AAK1: variants seen among roughly 807,000 people sequenced by gnomAD.
AAK1 encodes the protein AP2 associated kinase 1.
A neutral mutation model predicts 116.0 loss-of-function variants in AAK1; 37 were observed. The observed-to-expected ratio is 0.32, with a 90% CI of 0.25 to 0.42. The LOEUF is 0.42. Among genes scored for constraint, AAK1 ranks in the 10% least tolerant of loss-of-function variants. The pLI, the probability that AAK1 is intolerant of heterozygous loss-of-function variation, is 1.00. For missense variants in AAK1, 919 were observed against 1,170.6 expected (o/e 0.79, Z 3.14); for synonymous variants, 458 against 439.9 (o/e 1.04, Z -0.51).
chr2:69,619,937 C>T (rs1674517505), intron 2 of AAK1, among the ~76,000 whole-genome samples: 2 of 152,162 alleles, frequency 1.3e-5, no homozygotes, highest in South Asian at 4.1e-4. Flanking sequence ...TAGGCCACAG[C>T]AGGATTTACA....
chr2:69,468,290 G>A lies in AAK1; in HGVS notation c.*7579C>T, dbSNP rs538068182. 2.0e-6 allele frequency: 2 copies of A among 985,316 alleles called. No individual in the cohort carries two copies. The highest frequency in any genetic ancestry group is 2.4e-6 in the Non-Finnish European group (2 of 829,846). The allele number at this position is 985,316 out of a possible 1,614,324, so 61.0% of individuals were successfully genotyped here. A position where few individuals can be genotyped will look rare whatever the true frequency, so the allele number is the denominator to read the frequency against. On this transcript the variant is annotated 3_prime_UTR_variant, in exon 22 of 22. Coordinates refer to ENST00000409085, the MANE Select transcript of AAK1 (RefSeq NM_014911.5). Reference sequence around the variant, plus strand: ...GTAAATTGATATTAGATTTGTCTCAGTGATACCAAGATGATAATTTCTGGG... The same window carrying A: ...GTAAATTGATATTAGATTTGTCTCAATGATACCAAGATGATAATTTCTGGG...
Position 69,458,223 on chromosome 2 carries a change from G to A in AAK1, c.*17646C>T, listed in dbSNP as rs1213793894. ...GATTATGTGTACATTGTTTTCTGAG[G>A]CCTGATGACCTCAATACTCCTTCTG... On this transcript the variant is annotated 3_prime_UTR_variant, in exon 22 of 22. Transcript: ENST00000409085. 6.6e-6 allele frequency: 1 copy of A among 152,090 alleles called. No homozygotes were observed. Among genetic ancestry groups the A allele is most frequent in the East Asian group, 1.9e-4 (1 of 5,196 alleles). The allele number at this position is 152,090 out of a possible 1,614,324, so 9.4% of individuals were successfully genotyped here.
intron 20 of AAK1, among the ~76,000 whole-genome samples, chr2:69,477,221 G>T (rs7579250): frequency 6.6e-6 from 1 of 152,074 alleles, no homozygotes; most frequent in East Asian, 1.9e-4. Flanking sequence ...TAGGGAAAAG[G>T]GTTCTTGGAA....
At chr2:69,476,010 G>A in intron 21 of AAK1, 47 bp from the exon 22 acceptor site, 1 of 1,572,822 alleles carries the variant, frequency 6.4e-7, no homozygotes, top group Non-Finnish European at 8.6e-7. Flanking sequence ...AGAGGGTTAA[G>A]GTTTAGATGT....
chr2:69,581,939 G>A (rs1035414445), intron 2 of AAK1, among the ~76,000 whole-genome samples: 2 of 151,898 alleles, frequency 1.3e-5, no homozygotes, highest in African/African-American at 4.8e-5. Flanking sequence ...CCATGATTGC[G>A]TCACTGCATT....
rs143830689 is a variant in AAK1 at position 69,478,583 on chromosome 2, G to A, written c.2680+368C>T. Reference sequence around the variant, plus strand: ...TCATCCCACCTCAGTCTCCCGAGAAGCTGGTACCACCGGTGCATGCTGCCA... The same window carrying A: ...TCATCCCACCTCAGTCTCCCGAGAAACTGGTACCACCGGTGCATGCTGCCA... On this transcript the variant is annotated intron_variant, in intron 20 of 21. Coordinates refer to ENST00000409085, the MANE Select transcript of AAK1 (RefSeq NM_014911.5). 2,072 of 229,364 alleles carry A rather than the reference G, an allele frequency of 9.0e-3. 47 individuals are homozygous for A. Among genetic ancestry groups the A allele is most frequent in the African/African-American group, 0.046 (1,961 of 42,238 alleles). 14.2% of individuals were successfully genotyped at this position (229,364 alleles called of 1,614,324 possible).
Position 69,520,992 on chromosome 2 carries a change from G to C in AAK1, c.1056-4C>G, listed in dbSNP as rs763683648. On this transcript the variant is annotated splice_polypyrimidine_tract_variant and splice_region_variant and intron_variant, in intron 10 of 21. Coordinates refer to ENST00000409085, the MANE Select transcript of AAK1 (RefSeq NM_014911.5). ...GGTGGGAATGGGATCTGTCAGTCTA[G>C]AAAGGGAAAAGAGAAAGGTTCATAT... 25 of 1,613,758 alleles carry C rather than the reference G, an allele frequency of 1.5e-5. No homozygotes were observed. The highest frequency in any genetic ancestry group is 3.4e-6 in the Non-Finnish European group (4 of 1,179,818).
intron 2 of AAK1, among the ~76,000 whole-genome samples, chr2:69,567,038 G>A (rs901244696): frequency 6.6e-6 from 1 of 152,176 alleles, no homozygotes; most frequent in Admixed American, 6.5e-5. Flanking sequence ...ACCAAGGCCC[G>A]CAATTCCCAG....
intron 3 of AAK1, among the ~76,000 whole-genome samples, chr2:69,554,591 G>A (rs1009505954): frequency 3.3e-5 from 5 of 152,298 alleles, no homozygotes; most frequent in Non-Finnish European, 5.9e-5. Context: ...GGGGAGAGAG[G>A]CAAGCAGCAA....
chr2:69,468,326 A>G lies in AAK1; in HGVS notation c.*7543T>C, dbSNP rs1674555608. 1.0e-6 allele frequency: 1 copy of G among 985,382 alleles called. No individual in the cohort carries two copies. Among genetic ancestry groups the G allele is most frequent in the Non-Finnish European group, 1.2e-6 (1 of 829,898 alleles). The allele number at this position is 985,382 out of a possible 1,614,324, so 61.0% of individuals were successfully genotyped here. The stretch of plus-strand genomic sequence containing the variant: ...ATGATAATTTCTGGGAGGAAATTCA[A>G]ATAAAAGGGAGAAAAATAAGTTTTC... On this transcript the variant is annotated 3_prime_UTR_variant, in exon 22 of 22. Transcript: ENST00000409085.
chr2:69,464,793 A>G lies in AAK1; in HGVS notation c.*11076T>C, dbSNP rs938593795. ...AGGCTCTGACGTACATTCCACACCC[A>G]TAGACAGTCATGCACGAGAGCCAGC... On this transcript the variant is annotated 3_prime_UTR_variant, in exon 22 of 22. Coordinates refer to ENST00000409085, the MANE Select transcript of AAK1 (RefSeq NM_014911.5). The G allele has an allele frequency of 6.5e-6, 1 of 153,126 alleles. No homozygotes were observed. Among genetic ancestry groups the G allele is most frequent in the African/African-American group, 2.4e-5 (1 of 41,452 alleles). The allele number at this position is 153,126 out of a possible 1,614,324, so 9.5% of individuals were successfully genotyped here.
At position 69,475,856 on chromosome 2, in the gene AAK1, T is replaced by C. The variant is rs527376422; in HGVS notation, c.*13A>G. Reference sequence around the variant, plus strand: ...ATGAAGGTTACAGAACTGCATCTGCTACTGGGTCACGGCTACAGGTCTATG... The same window carrying C: ...ATGAAGGTTACAGAACTGCATCTGCCACTGGGTCACGGCTACAGGTCTATG... On this transcript the variant is annotated 3_prime_UTR_variant, in exon 22 of 22. Transcript: ENST00000409085. 3.1e-6 allele frequency: 5 copies of C among 1,609,180 alleles called. No individual in the cohort carries two copies. In the East Asian group the frequency reaches 1.1e-4, roughly 36 times the overall value.
At chr2:69,533,340 G>C (rs1670335121) in intron 5 of AAK1, among the ~76,000 whole-genome samples, 1 of 152,110 alleles carries the variant, frequency 6.6e-6, no homozygotes, top group South Asian at 2.1e-4. Flanking sequence ...GTGCAAACCT[G>C]GTGTGTCAGG....
chr2:69,509,569 A>G, intron 13 of AAK1, 109 bp from the exon 14 acceptor site: 2 of 881,864 alleles, frequency 2.3e-6, no homozygotes, highest in Non-Finnish European at 3.4e-6. Flanking sequence ...CATAAGCACT[A>G]ACATGAAACT....
rs1376315143 is a variant in AAK1, at chr2:69,555,847, A to C, written c.282+1013T>G. 2.6e-5 allele frequency among the ~76,000 whole-genome samples: 4 copies of C among 151,242 alleles called. No individual in the cohort carries two copies. The East Asian group carries it at 7.7e-4, about 29-fold the overall frequency. Reference sequence around the variant, plus strand: ...TATGTATAATTATGTATAATATTACATATTATTATATTATTAGGTATAATA... The same window carrying C: ...TATGTATAATTATGTATAATATTACCTATTATTATATTATTAGGTATAATA... On this transcript the variant is annotated intron_variant, in intron 3 of 21. Coordinates refer to ENST00000409085, the MANE Select transcript of AAK1 (RefSeq NM_014911.5).
intron 10 of AAK1, among the ~76,000 whole-genome samples, chr2:69,524,279 A>G (rs2105009094): frequency 6.6e-6 from 1 of 152,202 alleles, no homozygotes; most frequent in Non-Finnish European, 1.5e-5. Flanking sequence ...GTCTCACTGT[A>G]TTGCCCAGGC....
rs774793050 is a variant in AAK1 at position 69,463,216 on chromosome 2, C to A, written c.*12653G>T. 3.3e-5 allele frequency: 5 copies of A among 152,228 alleles called. No homozygotes were observed. Among genetic ancestry groups the A allele is most frequent in the Non-Finnish European group, 7.3e-5 (5 of 68,048 alleles). The allele number at this position is 152,228 out of a possible 1,614,324, so 9.4% of individuals were successfully genotyped here. A position where few individuals can be genotyped will look rare whatever the true frequency, so the allele number is the denominator to read the frequency against. On this transcript the variant is annotated 3_prime_UTR_variant, in exon 22 of 22. Coordinates refer to ENST00000409085, the MANE Select transcript of AAK1 (RefSeq NM_014911.5). ...CTGGCTTGGTAAATAGCTCTCCAAA[C>A]TTCTACAGCTAATGGAAAAATCACT...
chr2:69,470,308 A>G lies in AAK1; in HGVS notation c.*5561T>C, dbSNP rs1674632829. On this transcript the variant is annotated 3_prime_UTR_variant, in exon 22 of 22. Coordinates refer to ENST00000409085, the MANE Select transcript of AAK1 (RefSeq NM_014911.5). Reference sequence around the variant, plus strand: ...ACAGAAAGCAAAATATCCCTTCACAAGAACTTGGAAATGCAGCAGCAATTG... The same window carrying G: ...ACAGAAAGCAAAATATCCCTTCACAGGAACTTGGAAATGCAGCAGCAATTG... 1.0e-6 allele frequency: 1 copy of G among 985,464 alleles called. No homozygotes were observed. Among genetic ancestry groups the G allele is most frequent in the Non-Finnish European group, 1.2e-6 (1 of 829,932 alleles). 61.0% of individuals were successfully genotyped at this position (985,464 alleles called of 1,614,324 possible).
chr2:69,560,007 C>T (rs111426712), intron 2 of AAK1, among the ~76,000 whole-genome samples: 1 of 152,232 alleles, frequency 6.6e-6, no homozygotes, highest in African/African-American at 2.4e-5. Flanking sequence ...CCCAGATTCT[C>T]AAAGCCTATG....
Sources: allele counts gnomAD v4.1 joint callset (sites outside exome capture counted in the v4.1 genomes callset), GRCh38; gene constraint gnomAD v4.1.1; transcripts MANE v1.5; gene names NCBI Gene and HGNC (gene_info 2026-07-23, HGNC 2026-07-21).